Variants in MAPKAP1 observed in about 807,000 individuals in gnomAD.
MAPKAP1 encodes the protein MAPK associated protein 1.
In MAPKAP1, 20 loss-of-function variants were observed where a neutral mutation model predicts 65.7. The observed-to-expected ratio is 0.30, with a 90% CI of 0.21 to 0.44. The LOEUF (loss-of-function observed/expected upper bound fraction) is 0.44, where lower values mean the gene tolerates loss of function less well. Among genes scored for constraint, MAPKAP1 ranks in the 20% least tolerant of loss-of-function variants. The pLI is 1.00. For missense variants in MAPKAP1, 423 were observed against 648.0 expected (o/e 0.65, Z 3.77); for synonymous variants, 222 against 244.3 (o/e 0.91, Z 0.85).
intron 1 of MAPKAP1, among the ~76,000 whole-genome samples, chr9:125,686,024 A>G (rs557428990): frequency 2.4e-4 from 36 of 152,342 alleles, no homozygotes; most frequent in African/African-American, 8.4e-4. Flanking sequence ...CCACATATCA[A>G]TTAAGAAAAG....
At chr9:125,543,211 CAG>C in intron 6 of MAPKAP1, 43 bp from the exon 7 acceptor site, 2 of 1,361,142 alleles carry the variant, frequency 1.5e-6, no homozygotes, top group Non-Finnish European at 2.1e-6. Context: ...AACATTCATC[CAG>C]AGAGATGTTA....
At chr9:125,485,079 C>G (rs1369539384) in intron 8 of MAPKAP1, among the ~76,000 whole-genome samples, 1 of 152,172 alleles carries the variant, frequency 6.6e-6, no homozygotes, top group African/African-American at 2.4e-5. Context: ...CATAGCAACC[C>G]TGAGCCATTG....
chr9:125,600,512 T>C (rs1035922212), intron 4 of MAPKAP1, among the ~76,000 whole-genome samples: 4 of 152,220 alleles, frequency 2.6e-5, no homozygotes, highest in African/African-American at 7.2e-5. Flanking sequence ...CAACAAAGCA[T>C]GTTAAAATCC....
rs774697813 is a variant in MAPKAP1 at position 125,559,660 on chromosome 9, G to A, written c.821C>T (p.Thr274Ile). ...TCGAACAAAGAGTGACTCTTTGGAT[G>A]TCAGACCAGGAGATGAGTACTTTTC... ...LVEKYSSPGLTSKESLFVRIN... is the reference protein window; with the variant it reads ...LVEKYSSPGLISKESLFVRIN... The change falls in exon 6 of 12, where the codon ACA becomes ATA. Residue 274 changes from threonine to isoleucine, a missense_variant. Transcript: ENST00000265960. 6.2e-7 allele frequency: 1 copy of A among 1,613,942 alleles called. No individual in the cohort carries two copies. The highest frequency in any genetic ancestry group is 1.1e-5 in the South Asian group (1 of 91,040).
chr9:125,488,037 A>G (rs1231392587), intron 8 of MAPKAP1, among the ~76,000 whole-genome samples: 3 of 152,220 alleles, frequency 2.0e-5, no homozygotes, highest in Non-Finnish European at 4.4e-5. Flanking sequence ...AAGGCTTGTC[A>G]ATATCCTTGT....
chr9:125,672,766 G>T, intron 1 of MAPKAP1, 123 bp from the exon 2 acceptor site: 1 of 650,690 alleles, frequency 1.5e-6, no homozygotes, highest in South Asian at 2.0e-5. Flanking sequence ...CCTGTTCTGT[G>T]GAGCTTAAAA....
At chr9:125,616,438 A>G (rs1832750011) in intron 4 of MAPKAP1, among the ~76,000 whole-genome samples, 1 of 152,204 alleles carries the variant, frequency 6.6e-6, no homozygotes, top group Admixed American at 6.5e-5. Flanking sequence ...AGGAGAATCT[A>G]CAACAGTTGC....
intron 8 of MAPKAP1, among the ~76,000 whole-genome samples, chr9:125,489,462 C>T (rs1854620307): frequency 6.6e-6 from 1 of 152,122 alleles, no homozygotes; most frequent in African/African-American, 2.4e-5. Flanking sequence ...GCTGCAATAA[C>T]TCAAAGATGT....
chr9:125,566,528 C>T (rs1456894798), intron 5 of MAPKAP1, among the ~76,000 whole-genome samples: 2 of 151,960 alleles, frequency 1.3e-5, no homozygotes, highest in African/African-American at 4.8e-5. Flanking sequence ...TGCACCCCTG[C>T]AGCAGCATGG....
At chr9:125,688,195 A>G (rs1176334104) in intron 1 of MAPKAP1, among the ~76,000 whole-genome samples, 2 of 152,066 alleles carry the variant, frequency 1.3e-5, no homozygotes, top group African/African-American at 2.4e-5. Context: ...CTAGATTGCA[A>G]TGGTGCAGTC....
At chr9:125,627,014 T>C (rs887545008) in intron 4 of MAPKAP1, among the ~76,000 whole-genome samples, 2 of 152,166 alleles carry the variant, frequency 1.3e-5, no homozygotes, top group Non-Finnish European at 2.9e-5. Flanking sequence ...TTATCACTTA[T>C]TTTTTTCACC....
intron 1 of MAPKAP1, among the ~76,000 whole-genome samples, chr9:125,688,663 C>G (rs2131840760): frequency 6.6e-6 from 1 of 152,026 alleles, no homozygotes; most frequent in Non-Finnish European, 1.5e-5. Context: ...GAGTTCAAGA[C>G]TAGCCTAGGC....
intron 7 of MAPKAP1, among the ~76,000 whole-genome samples, chr9:125,517,541 T>C (rs923592209): frequency 6.6e-6 from 1 of 152,250 alleles, no homozygotes; most frequent in East Asian, 1.9e-4. Flanking sequence ...ACTGGAAATA[T>C]GTTACTGCTA....
At chr9:125,561,581 G>C (rs987589415) in intron 5 of MAPKAP1, among the ~76,000 whole-genome samples, 1 of 152,194 alleles carries the variant, frequency 6.6e-6, no homozygotes, top group African/African-American at 2.4e-5. Context: ...AGAGGCAAAA[G>C]AAAGCACTTT....
intron 6 of MAPKAP1, among the ~76,000 whole-genome samples, chr9:125,555,417 C>T (rs1830708451): frequency 6.6e-6 from 1 of 152,198 alleles, no homozygotes; most frequent in Non-Finnish European, 1.5e-5. Context: ...GAAACATGAA[C>T]CCAGGTTTGC....
chr9:125,585,658 G>C lies in MAPKAP1; in HGVS notation c.568C>G (p.Leu190Val), dbSNP rs1377252719. 1 of 1,614,144 alleles carries C rather than the reference G, an allele frequency of 6.2e-7. No individual in the cohort carries two copies. The highest frequency in any genetic ancestry group is 1.7e-5 in the Admixed American group (1 of 60,016). Residue 190 changes from leucine to valine, a missense_variant, in exon 5 of 12, where the codon CTG (leucine) becomes GTG (valine). Physicochemically the swap from Leu to Val is conservative, Grantham distance 32. This residue lies in a region of MAPKAP1 where 98 missense variants were observed against 200.5 expected (regional missense o/e 0.49). Transcript: ENST00000265960. ...ATTGTCACCACGGTCATTGGCAGCAGTCTGTCCTGGCTCGAGTGCAGAGGG... is the reference window on the plus strand; with the variant it reads ...ATTGTCACCACGGTCATTGGCAGCACTCTGTCCTGGCTCGAGTGCAGAGGG... ...YLPLHSSQDR[L>V]LPMTVVTMAS...
At chr9:125,470,663 C>T (rs368126848) in intron 9 of MAPKAP1, among the ~76,000 whole-genome samples, 1 of 152,314 alleles carries the variant, frequency 6.6e-6, no homozygotes, top group South Asian at 2.1e-4. Flanking sequence ...CCCAATGACG[C>T]CCTTTCCTGG....
At chr9:125,542,823 A>G (rs556746378) in intron 7 of MAPKAP1, 14 of 644,050 alleles carry the variant, frequency 2.2e-5, no homozygotes, top group African/African-American at 7.1e-5. Context: ...ATTATTAATG[A>G]AGGAACTTCC....
At chr9:125,478,813 C>T (rs1268144179) in intron 9 of MAPKAP1, among the ~76,000 whole-genome samples, 2 of 152,134 alleles carry the variant, frequency 1.3e-5, no homozygotes, top group Admixed American at 1.3e-4. Context: ...ACATAAACCA[C>T]GTTCTTCCAA....
Sources: allele counts gnomAD v4.1 joint callset (sites outside exome capture counted in the v4.1 genomes callset), GRCh38; gene constraint gnomAD v4.1.1; regional missense constraint gnomAD v4.1.1; transcripts MANE v1.5; gene names NCBI Gene and HGNC (gene_info 2026-07-23, HGNC 2026-07-21).